The following MINDY4 variants were observed in gnomAD, a reference collection of about 807,000 sequenced individuals.
MINDY4 encodes probable ubiquitin carboxyl-terminal hydrolase MINDY-4.
Under a neutral mutation model 87.0 loss-of-function variants are expected in MINDY4, and 68 were observed. That is an observed-to-expected ratio of 0.78 (90% CI 0.64 to 0.96). The LOEUF is 0.96. MINDY4 is among the 40% of genes least tolerant of loss of function. The pLI, the probability that MINDY4 is intolerant of heterozygous loss-of-function variation, is 0.00. For missense variants in MINDY4, 919 were observed against 928.2 expected (o/e 0.99, Z 0.13); for synonymous variants, 379 against 363.2 (o/e 1.04, Z -0.50).
chr7:30,789,504 C>T (rs1787256621), intron 4 of MINDY4, among the ~76,000 whole-genome samples: 1 of 152,196 alleles, frequency 6.6e-6, no homozygotes, highest in Non-Finnish European at 1.5e-5. Flanking sequence ...TACTACATCA[C>T]TTCTGTATTT....
chr7:30,884,485 A>G (rs1790570700), intron 17 of MINDY4, among the ~76,000 whole-genome samples: 1 of 152,228 alleles, frequency 6.6e-6, no homozygotes, highest in Non-Finnish European at 1.5e-5. Context: ...AGGAGGTGAC[A>G]CTAGCCTTGG....
rs139782481 is a variant in MINDY4 at position 30,791,679 on chromosome 7, T to C, written c.1073+105T>C. 24 of 1,256,572 alleles carry C rather than the reference T, an allele frequency of 1.9e-5. No individual in the cohort carries two copies. In the African/African-American group the frequency reaches 3.2e-4, roughly 17 times the overall value. The allele number at this position is 1,256,572 out of a possible 1,614,324, so 77.8% of individuals were successfully genotyped here. ...GAAGGGAACTTCTTAGTCTCCTTGG[T>C]CTCTCAGAACAAGCCTGCGAAGTAA... On this transcript the variant is annotated intron_variant, in intron 5 of 17. Coordinates refer to ENST00000265299, the MANE Select transcript of MINDY4 (RefSeq NM_032222.3).
At chr7:30,859,414 C>T in intron 13 of MINDY4, 90 bp downstream of exon 13, 2 of 1,196,070 alleles carry the variant, frequency 1.7e-6, no homozygotes, top group East Asian at 2.3e-5. Flanking sequence ...GTGCTTGGCA[C>T]ATGTTGAGGG....
Position 30,882,944 on chromosome 7 carries a change from GAC to G in MINDY4, c.2180_2181del (p.Thr727ArgfsTer37). On this transcript the variant is annotated frameshift_variant, in exon 17 of 18. Transcript: ENST00000265299. LOFTEE classifies it high-confidence loss of function. ...TIDTTQTISE[D>X]TDNDLVPPLE... ...AGACACCACCCAAACCATCTCTGAG[GAC>G]ACAGACAACGACCTTGTCCCACCCC... 6.2e-7 allele frequency: 1 copy of G among 1,614,042 alleles called. No individual in the cohort carries two copies. The highest frequency in any genetic ancestry group is 1.7e-5 in the Admixed American group (1 of 60,000).
At chr7:30,808,034 A>ACGTC (rs1787866348) in intron 5 of MINDY4, among the ~76,000 whole-genome samples, 1 of 152,192 alleles carries the variant, frequency 6.6e-6, no homozygotes, top group Non-Finnish European at 1.5e-5. Context: ...TGATTAATGG[A>ACGTC]CGGTCAAGGC....
intron 6 of MINDY4, among the ~76,000 whole-genome samples, chr7:30,834,683 T>C (rs1788806172): frequency 6.6e-6 from 1 of 152,220 alleles, no homozygotes; most frequent in South Asian, 2.1e-4. Context: ...TTCTGAGCTT[T>C]TATGCTTTGT....
intron 17 of MINDY4, among the ~76,000 whole-genome samples, chr7:30,886,000 A>G (rs930150072): frequency 1.3e-5 from 2 of 152,138 alleles, no homozygotes; most frequent in Non-Finnish European, 2.9e-5. Context: ...ACCAGGTGAC[A>G]TACCACTGCA....
intron 11 of MINDY4, 149 bp from the exon 12 acceptor site, chr7:30,853,245 C>T (rs901975928): frequency 5.9e-6 from 4 of 677,338 alleles, no homozygotes; most frequent in Non-Finnish European, 1.1e-5. Flanking sequence ...CCGTGCCTCT[C>T]AGCCCTGACT....
chr7:30,857,231 T>C (rs1716132196), intron 12 of MINDY4, among the ~76,000 whole-genome samples: 2 of 152,212 alleles, frequency 1.3e-5, no homozygotes, highest in Non-Finnish European at 2.9e-5. Context: ...TTCACTTTTC[T>C]GATTCCTTAC....
intron 17 of MINDY4, among the ~76,000 whole-genome samples, chr7:30,884,411 G>A (rs935674834): frequency 1.3e-5 from 2 of 152,186 alleles, no homozygotes; most frequent in Admixed American, 6.5e-5. Flanking sequence ...CCTGCAGGTC[G>A]CTTTCCTTTC....
intron 5 of MINDY4, among the ~76,000 whole-genome samples, chr7:30,816,908 T>C (rs1453183392): frequency 1.3e-5 from 2 of 152,232 alleles, no homozygotes; most frequent in Non-Finnish European, 2.9e-5. Flanking sequence ...TTATATGTTG[T>C]AGGTCAACCG....
chr7:30,849,109 C>T (rs1249825365), intron 9 of MINDY4, among the ~76,000 whole-genome samples: 3 of 152,054 alleles, frequency 2.0e-5, no homozygotes, highest in African/African-American at 4.8e-5. Flanking sequence ...AGGTCACTGG[C>T]TATGTGTCCC....
At chr7:30,891,285 A>G (rs997403468) in intron 17 of MINDY4, among the ~76,000 whole-genome samples, 1 of 152,214 alleles carries the variant, frequency 6.6e-6, no homozygotes, top group Non-Finnish European at 1.5e-5. Context: ...ATGTGTTAAA[A>G]TCAAGTGCTA....
intron 4 of MINDY4, chr7:30,786,322 G>T: frequency 3.8e-6 from 1 of 261,040 alleles, no homozygotes; most frequent in Non-Finnish European, 7.3e-6. Context: ...GGTTCAGAGA[G>T]CATCTTTAGG....
chr7:30,870,300 GC>G (rs888368789), intron 13 of MINDY4, among the ~76,000 whole-genome samples: 16 of 152,266 alleles, frequency 1.1e-4, no homozygotes, highest in Admixed American at 3.9e-4. Context: ...ATGCTTATCG[GC>G]CCCCCCTCAG....
intron 7 of MINDY4, 141 bp from the exon 8 acceptor site, chr7:30,839,057 TAA>T: frequency 9.1e-6 from 5 of 549,004 alleles, no homozygotes; most frequent in Non-Finnish European, 1.6e-5. Context: ...GCCTGAAAAA[TAA>T]AAAGAGAAGA....
At chr7:30,885,165 C>T (rs1790590944) in intron 17 of MINDY4, among the ~76,000 whole-genome samples, 1 of 152,236 alleles carries the variant, frequency 6.6e-6, no homozygotes, top group Non-Finnish European at 1.5e-5. Context: ...GCATTTGTGG[C>T]TCATGCTTGG....
intron 5 of MINDY4, among the ~76,000 whole-genome samples, chr7:30,801,338 A>G (rs762873745): frequency 6.6e-6 from 1 of 152,238 alleles, no homozygotes; most frequent in Non-Finnish European, 1.5e-5. Flanking sequence ...CTCTTGAGAC[A>G]CACAATACCT....
At chr7:30,808,177 C>A (rs775772058) in intron 5 of MINDY4, among the ~76,000 whole-genome samples, 1 of 152,138 alleles carries the variant, frequency 6.6e-6, no homozygotes, top group Admixed American at 6.5e-5. Context: ...GGCAGGCCCC[C>A]GTGGAGGATC....
Sources: gnomAD v4.1 joint callset for allele counts (sites outside exome capture counted in the v4.1 genomes callset) on GRCh38, gnomAD v4.1.1 for gene constraint, MANE v1.5 for transcripts, NCBI Gene and HGNC (gene_info 2026-07-23, HGNC 2026-07-21) for gene names.